RXYLT1: variants seen among roughly 807,000 people sequenced by gnomAD.
RXYLT1 encodes ribitol xylosyltransferase 1, also known as ribitol-5-phosphate xylosyltransferase 1.
RXYLT1 carries 41 observed loss-of-function variants against 43.5 expected under a neutral mutation model. The observed-to-expected ratio is 0.94, with a 90% CI of 0.73 to 1.22. The LOEUF is 1.22. Among genes scored for constraint, RXYLT1 ranks in the 50% most tolerant of loss-of-function variants. The pLI is 0.00. For synonymous variants in RXYLT1, 166 were observed against 194.4 expected, an observed-to-expected ratio of 0.85 and a Z score of 1.21; for missense variants, 514 against 532.0, an observed-to-expected ratio of 0.97 and a Z score of 0.33.
intron 3 of RXYLT1, among the ~76,000 whole-genome samples, chr12:63,801,374 C>CA (rs1371737583): frequency 6.6e-6 from 1 of 152,136 alleles, no homozygotes; most frequent in Non-Finnish European, 1.5e-5. Context: ...TAGCAGCTCA[C>CA]ACCATAAAAG....
intron 5 of RXYLT1, chr12:63,806,734 T>A (rs1898301620): frequency 6.6e-6 from 1 of 152,264 alleles, no homozygotes; most frequent in African/African-American, 2.4e-5. Context: ...CCCTCCCTAA[T>A]AATCCCAATT....
chr12:63,807,493 A>C (rs1450170638), intron 5 of RXYLT1: 1 of 152,008 alleles, frequency 6.6e-6, no homozygotes, highest in Non-Finnish European at 1.5e-5. Context: ...CCTACACTCT[A>C]ACACCTCCGC....
chr12:63,788,419 T>C (rs57189357), intron 3 of RXYLT1, among the ~76,000 whole-genome samples: 1,604 of 152,344 alleles, frequency 0.011, 32 homozygotes, highest in African/African-American at 0.037. Context: ...TTCATCTGCA[T>C]TGAAAATCTG....
chr12:63,808,326 C>G (rs1210478876), intron 5 of RXYLT1: 1 of 269,312 alleles, frequency 3.7e-6, no homozygotes, highest in Non-Finnish European at 6.9e-6. Flanking sequence ...ACTGACTTCA[C>G]TTGGTCACTA....
At chr12:63,780,972 A>G (rs1355410532) in intron 1 of RXYLT1, 47 bp from the exon 2 acceptor site, 1 of 1,407,584 alleles carries the variant, frequency 7.1e-7, no homozygotes, top group Non-Finnish European at 9.4e-7. Flanking sequence ...ATTTACCTAC[A>G]ACTGCAATAA....
At chr12:63,792,544 C>G (rs970437797) in intron 3 of RXYLT1, among the ~76,000 whole-genome samples, 1 of 152,192 alleles carries the variant, frequency 6.6e-6, no homozygotes, top group Non-Finnish European at 1.5e-5. Context: ...CACTGAGGCC[C>G]GCAGTCTTGT....
chr12:63,809,403 T>C lies in RXYLT1; in HGVS notation c.*311T>C, dbSNP rs1898399413. ...GTAAACAAATCTATTGCACTGCCAG[T>C]CAAGTAAAAGTACAGCAATTATGTC... is the stretch of plus-strand genomic sequence containing the variant. On this transcript the variant is annotated 3_prime_UTR_variant, in exon 6 of 6. Coordinates refer to ENST00000261234, the MANE Select transcript of RXYLT1 (RefSeq NM_014254.3). 6 of 234,952 alleles carry C rather than the reference T, an allele frequency of 2.6e-5. No individual in the cohort carries two copies. Among genetic ancestry groups the C allele is most frequent in the Non-Finnish European group, 4.9e-5 (6 of 122,218 alleles). The allele number at this position is 234,952 out of a possible 1,614,324, so 14.6% of individuals were successfully genotyped here.
chr12:63,801,614 G>A (rs1898160236), intron 3 of RXYLT1, among the ~76,000 whole-genome samples: 1 of 152,132 alleles, frequency 6.6e-6, no homozygotes, highest in African/African-American at 2.4e-5. Context: ...CAGCCAAGGA[G>A]TTCAAGACCA....
At chr12:63,784,866 T>A in intron 2 of RXYLT1, 104 bp from the exon 3 acceptor site, 1 of 954,102 alleles carries the variant, frequency 1.0e-6, no homozygotes. Flanking sequence ...GCATTCTGGT[T>A]TTATAGTCAA....
intron 3 of RXYLT1, among the ~76,000 whole-genome samples, chr12:63,796,963 C>CTTT (rs776895611): frequency 1.2e-4 from 16 of 132,330 alleles, no homozygotes; most frequent in South Asian, 2.4e-4. Flanking sequence ...TTTTCTTTTT[C>CTTT]TTTTTTTTTT....
intron 5 of RXYLT1, chr12:63,806,637 T>G (rs1205435132): frequency 6.6e-6 from 1 of 152,276 alleles, no homozygotes; most frequent in Non-Finnish European, 1.5e-5. Flanking sequence ...GAATAATTCT[T>G]GTAACTCCTC....
intron 5 of RXYLT1, chr12:63,806,995 C>A: frequency 6.6e-6 from 1 of 152,506 alleles, no homozygotes. Context: ...CTGACCTCAG[C>A]CATTCTCTCT....
chr12:63,784,593 A>G (rs527333313), intron 2 of RXYLT1, among the ~76,000 whole-genome samples: 15 of 152,314 alleles, frequency 9.8e-5, no homozygotes, highest in Non-Finnish European at 1.8e-4. Context: ...AACTCCCCCA[A>G]TCTGTTATAA....
At chr12:63,800,057 A>G (rs1256257479) in intron 3 of RXYLT1, among the ~76,000 whole-genome samples, 1 of 152,236 alleles carries the variant, frequency 6.6e-6, no homozygotes, top group East Asian at 1.9e-4. Flanking sequence ...ATAATGTCAT[A>G]TAAATCATAT....
intron 3 of RXYLT1, 36 bp from the exon 4 acceptor site, chr12:63,802,055 G>C (rs780271218): frequency 6.5e-7 from 1 of 1,528,282 alleles, no homozygotes; most frequent in Non-Finnish European, 8.8e-7. Context: ...TTCAGGCTTT[G>C]TTTGTCTCTT....
At position 63,779,970 on chromosome 12, in the gene RXYLT1, A is replaced by T; in HGVS notation, c.10A>T (p.Thr4Ser). ...TGGAAGCCCGAGTGGGATGCGGCTG[A>T]CGCGGAAGCGGCTCTGCTCGTTTCT... Reference protein sequence around the residue: MRLTRKRLCSFLIA... With the variant: MRLSRKRLCSFLIA... The change falls in exon 1 of 6, where the codon ACG (threonine) becomes TCG (serine). Residue 4 changes from threonine to serine, a missense_variant. Coordinates refer to ENST00000261234, the MANE Select transcript of RXYLT1 (RefSeq NM_014254.3). The T allele has an allele frequency of 2.5e-6, 4 of 1,609,296 alleles. No individual in the cohort carries two copies. Among genetic ancestry groups the T allele is most frequent in the Non-Finnish European group, 3.4e-6 (4 of 1,177,904 alleles).
At chr12:63,805,509 C>T in intron 5 of RXYLT1, 105 bp downstream of exon 5, 1 of 1,088,798 alleles carries the variant, frequency 9.2e-7, no homozygotes, top group Non-Finnish European at 1.3e-6. Flanking sequence ...TCTATTTGTA[C>T]CAATCTTTCC....
chr12:63,780,016 T>C lies in RXYLT1; in HGVS notation c.56T>C (p.Phe19Ser), dbSNP rs375086772. ...CSFLIALYCL[F>S]SLYAAYHVFF... ...TTTCTTATCGCCCTGTACTGCCTAT[T>C]CTCCCTCTACGCTGCCTACCACGTC... The change falls in exon 1 of 6, where the codon TTC (phenylalanine) becomes TCC (serine). Residue 19 changes from phenylalanine to serine, a missense_variant. Coordinates refer to ENST00000261234, the MANE Select transcript of RXYLT1 (RefSeq NM_014254.3). 18 of 1,608,568 alleles carry C rather than the reference T, an allele frequency of 1.1e-5. No individual in the cohort carries two copies. In the African/African-American group the frequency reaches 2.4e-4, roughly 22 times the overall value.
At chr12:63,800,170 A>G (rs1330401568) in intron 3 of RXYLT1, among the ~76,000 whole-genome samples, 1 of 152,190 alleles carries the variant, frequency 6.6e-6, no homozygotes, top group Non-Finnish European at 1.5e-5. Context: ...TTAAGCTCTG[A>G]AGTGAGACAG....
Sources: gnomAD v4.1 joint callset for allele counts (sites outside exome capture counted in the v4.1 genomes callset) on GRCh38, gnomAD v4.1.1 for gene constraint, MANE v1.5 for transcripts, NCBI Gene and HGNC (gene_info 2026-07-23, HGNC 2026-07-21) for gene names.